The following CDC14A variants were observed in gnomAD, a reference collection of about 807,000 sequenced individuals.
CDC14A encodes the protein cell division cycle 14A.
A neutral mutation model predicts 74.4 loss-of-function variants in CDC14A; 53 were observed. That is an observed-to-expected ratio of 0.71 (90% CI 0.57 to 0.89). The LOEUF (loss-of-function observed/expected upper bound fraction) is 0.89. CDC14A is among the 40% of genes least tolerant of loss of function. The pLI is 0.00. For synonymous variants in CDC14A, 247 were observed against 258.4 expected (o/e 0.96, Z 0.43); for missense variants, 646 against 713.7 (o/e 0.91, Z 1.08).
chr1:100,408,284 A>C (rs948357948), intron 4 of CDC14A, among the ~76,000 whole-genome samples: 1 of 152,220 alleles, frequency 6.6e-6, no homozygotes, highest in Non-Finnish European at 1.5e-5. Flanking sequence ...TCCATGGTAT[A>C]TATGTACCAC....
At chr1:100,441,404 A>C (rs1664909856) in intron 6 of CDC14A, among the ~76,000 whole-genome samples, 1 of 152,186 alleles carries the variant, frequency 6.6e-6, no homozygotes. Context: ...TGTGGCAACG[A>C]GTAGTACCAT....
At chr1:100,391,428 A>G (rs1322022456) in intron 4 of CDC14A, among the ~76,000 whole-genome samples, 1 of 152,218 alleles carries the variant, frequency 6.6e-6, no homozygotes, top group Non-Finnish European at 1.5e-5. Context: ...CCACATGACC[A>G]TGCTGTAGAG....
chr1:100,498,235 G>T (rs763189709), intron 14 of CDC14A, 28 bp downstream of exon 14: 4 of 1,608,206 alleles, frequency 2.5e-6, no homozygotes, highest in Non-Finnish European at 3.4e-6. Flanking sequence ...CTTCTAAGGT[G>T]CTGGTTTGAG....
chr1:100,425,946 A>C (rs540035825), intron 5 of CDC14A, among the ~76,000 whole-genome samples: 2 of 152,214 alleles, frequency 1.3e-5, no homozygotes, highest in African/African-American at 4.8e-5. Context: ...GTAAATAAGT[A>C]TCTCGGACAA....
At chr1:100,468,171 C>T in intron 10 of CDC14A, 77 bp downstream of exon 10, 3 of 1,522,812 alleles carry the variant, frequency 2.0e-6, no homozygotes, top group Non-Finnish European at 2.7e-6. Flanking sequence ...GGTTGTGGAC[C>T]ATGTCAGCCT....
chr1:100,439,474 T>C (rs1167419068), intron 5 of CDC14A, among the ~76,000 whole-genome samples: 1 of 152,186 alleles, frequency 6.6e-6, no homozygotes, highest in Non-Finnish European at 1.5e-5. Flanking sequence ...TCACTGTTAA[T>C]AATAAGAATA....
At chr1:100,346,381 G>C (rs1382177012) in intron 1 of CDC14A, among the ~76,000 whole-genome samples, 1 of 152,032 alleles carries the variant, frequency 6.6e-6, no homozygotes, top group Non-Finnish European at 1.5e-5. Flanking sequence ...TGCAATCTCA[G>C]CACTTTGGGA....
At chr1:100,499,444 T>TA (rs1648446276) in intron 15 of CDC14A, 182 bp downstream of exon 15, 2 of 1,487,700 alleles carry the variant, frequency 1.3e-6, no homozygotes, top group East Asian at 4.6e-5. Context: ...CCTCTTCAAG[T>TA]AAACGCCAAG....
chr1:100,436,475 A>C lies in CDC14A; in HGVS notation c.390-3457A>C, dbSNP rs143382358. 2.6e-3 allele frequency among the ~76,000 whole-genome samples: 398 copies of C among 151,004 alleles called. 3 individuals carry two copies. The South Asian group carries it at 0.028, about 11-fold the overall frequency. The stretch of plus-strand genomic sequence containing the variant: ...AGTCTCACTCTGTTGCCCAGACTGG[A>C]GTGTAGTGGCACAATCTTGGCTCAC... On this transcript the variant is annotated intron_variant, in intron 5 of 15. Transcript: ENST00000336454.
chr1:100,384,195 T>G (rs1321076555), intron 3 of CDC14A, among the ~76,000 whole-genome samples: 1 of 152,232 alleles, frequency 6.6e-6, no homozygotes, highest in African/African-American at 2.4e-5. Flanking sequence ...TAATTTGTAT[T>G]GTTCTATCAT....
intron 7 of CDC14A, among the ~76,000 whole-genome samples, chr1:100,452,471 G>A (rs898598507): frequency 1.3e-5 from 2 of 152,180 alleles, no homozygotes; most frequent in African/African-American, 2.4e-5. Flanking sequence ...AGATCGCACC[G>A]TTGCACTCCA....
intron 8 of CDC14A, among the ~76,000 whole-genome samples, chr1:100,458,319 G>A (rs1247663521): frequency 6.6e-6 from 1 of 152,066 alleles, no homozygotes; most frequent in Non-Finnish European, 1.5e-5. Context: ...GAAAATTTAA[G>A]TAATATAAAG....
At chr1:100,394,695 T>G (rs1658222206) in intron 4 of CDC14A, among the ~76,000 whole-genome samples, 1 of 152,182 alleles carries the variant, frequency 6.6e-6, no homozygotes, top group Non-Finnish European at 1.5e-5. Context: ...GTGAAGTGAT[T>G]ATTCTTGAAC....
chr1:100,365,371 G>C (rs993506739), intron 2 of CDC14A, among the ~76,000 whole-genome samples: 3 of 152,208 alleles, frequency 2.0e-5, no homozygotes, highest in African/African-American at 7.2e-5. Flanking sequence ...AGAAACATTT[G>C]AACAGTTGAA....
chr1:100,352,075 G>A (rs115985689), upstream of CDC14A, among the ~76,000 whole-genome samples: 477 of 152,062 alleles, frequency 3.1e-3, 4 homozygotes, highest in African/African-American at 0.011. Flanking sequence ...GAATGAGAGA[G>A]AGAGAGAAAA....
At chr1:100,439,810 G>A (rs977714403) in intron 5 of CDC14A, 122 bp from the exon 6 acceptor site, 4 of 676,158 alleles carry the variant, frequency 5.9e-6, no homozygotes, top group African/African-American at 5.4e-5. Context: ...TATTATATAA[G>A]TTTACCATGT....
At chr1:100,435,711 C>A (rs1664238574) in intron 5 of CDC14A, among the ~76,000 whole-genome samples, 2 of 151,604 alleles carry the variant, frequency 1.3e-5, no homozygotes, top group Admixed American at 6.6e-5. Context: ...CGCCTGTAAT[C>A]CCAGCTACCC....
chr1:100,423,474 T>A (rs1263362692), intron 4 of CDC14A, among the ~76,000 whole-genome samples: 1 of 152,222 alleles, frequency 6.6e-6, no homozygotes, highest in Non-Finnish European at 1.5e-5. Flanking sequence ...TGTTGATTAT[T>A]GTCTTTGCCC....
At position 100,382,973 on chromosome 1, in the gene CDC14A, A is replaced by G. The variant is rs375656665; in HGVS notation, c.216+5352A>G. 3.5e-4 allele frequency among the ~76,000 whole-genome samples: 53 copies of G among 152,358 alleles called. No individual in the cohort carries two copies. The East Asian group carries it at 9.1e-3, about 26-fold the overall frequency. ...ATATACACCAGAACTCTTTTGATGT[A>G]ATGACTAGACCACCCTATTATAACT... On this transcript the variant is annotated intron_variant, in intron 3 of 15. Coordinates refer to ENST00000336454, the MANE Select transcript of CDC14A (RefSeq NM_003672.4).
Sources: gnomAD v4.1 joint callset for allele counts (sites outside exome capture counted in the v4.1 genomes callset) on GRCh38, gnomAD v4.1.1 for gene constraint, MANE v1.5 for transcripts, NCBI Gene and HGNC (gene_info 2026-07-23, HGNC 2026-07-21) for gene names.